The following ODF2 variants were observed in gnomAD, a reference collection of about 807,000 sequenced individuals.
ODF2 encodes the protein outer dense fiber of sperm tails 2, also known as outer dense fiber protein 2.
ODF2 carries 47 observed loss-of-function variants against 110.2 expected under a neutral mutation model. The ratio of observed to expected loss-of-function variants is 0.43; its 90% CI spans 0.34 to 0.54. The LOEUF is 0.54. Ranked by LOEUF, ODF2 falls within the 20% of genes least tolerant of loss-of-function variation. The pLI is 0.03. For synonymous variants in ODF2, 352 were observed against 397.7 expected (o/e 0.89, Z 1.37); for missense variants, 812 against 1,054.5 (o/e 0.77, Z 3.19).
At chr9:128,496,346 C>T in intron 18 of ODF2, 1 of 1,433,198 alleles carries the variant, frequency 7.0e-7, no homozygotes, top group Non-Finnish European at 9.3e-7. Flanking sequence ...TGGGGAGACA[C>T]TCCATGACAG....
chr9:128,482,125 A>G (rs1016256979), intron 9 of ODF2, among the ~76,000 whole-genome samples: 2 of 152,220 alleles, frequency 1.3e-5, no homozygotes, highest in Non-Finnish European at 2.9e-5. Flanking sequence ...AAATTTGGGA[A>G]ACCATAGGCT....
At chr9:128,469,459 CCTCCT>C in intron 5 of ODF2, 106 bp downstream of exon 5, 1 of 1,226,572 alleles carries the variant, frequency 8.2e-7, no homozygotes. Flanking sequence ...GGCCTTCAGG[CCTCCT>C]CTGCAGGGTT....
intron 8 of ODF2, among the ~76,000 whole-genome samples, chr9:128,477,829 C>T (rs1841628537): frequency 6.6e-6 from 1 of 151,764 alleles, no homozygotes; most frequent in South Asian, 2.1e-4. Flanking sequence ...AAACTCCTGA[C>T]CTCAGGTAAT....
chr9:128,476,707 G>A (rs555292440), intron 8 of ODF2, among the ~76,000 whole-genome samples: 2 of 147,720 alleles, frequency 1.4e-5, no homozygotes, highest in East Asian at 2.1e-4. Context: ...GCACGATATC[G>A]GCTCACTGCA....
In ODF2 at chr9:128,494,190, T is replaced by C. The variant is rs1044610722; in HGVS notation, c.1753-320T>C. Among the ~76,000 whole-genome samples the C allele has an allele frequency of 6.6e-6, 1 of 152,224 alleles. No individual in the cohort carries two copies. Among genetic ancestry groups the C allele is most frequent in the Non-Finnish European group, 1.5e-5 (1 of 68,038 alleles). ...TCTCTTGATGCTTACTATACTTGTA[T>C]GGGGACAGCATCACCTATTTTACAG... On this transcript the variant is annotated intron_variant, in intron 16 of 20. Transcript: ENST00000604420. This position sits in a 1 kb window ranked among gnomAD's most constrained non-coding sequence, Gnocchi z 4.6.
chr9:128,458,599 T>TA lies in ODF2; in HGVS notation c.33-967dup, dbSNP rs1835580972. Among the ~76,000 whole-genome samples the TA allele has an allele frequency of 2.0e-5, 3 of 151,420 alleles. No homozygotes were observed. In the South Asian group the frequency reaches 6.3e-4, roughly 32 times the overall value. ...TTGCTCTCTCTCTTTTTTTTTTTTT[T>TA]ATTTGGCTGTCTTTGCAGATCTGGT... On this transcript the variant is annotated intron_variant, in intron 2 of 20. Coordinates refer to ENST00000604420, the Ensembl canonical transcript of ODF2.
intron 14 of ODF2, 151 bp from the exon 15 acceptor site, chr9:128,492,275 T>C: frequency 1.6e-6 from 1 of 633,874 alleles, no homozygotes; most frequent in South Asian, 1.8e-5. Flanking sequence ...TTAGGAGTCT[T>C]ACCTGCTTCT....
At chr9:128,456,644 G>A in intron 1 of ODF2, 1 of 1,482,774 alleles carries the variant, frequency 6.7e-7, no homozygotes, top group Non-Finnish European at 8.9e-7. Context: ...CGGCGGCATC[G>A]CCCCGACCGC....
Position 128,494,445 on chromosome 9 carries a change from C to A in ODF2, c.1753-65C>A. On this transcript the variant is annotated intron_variant, in intron 16 of 20. Transcript: ENST00000604420. The surrounding 1 kb of genome is among the most constrained non-coding windows in gnomAD (Gnocchi z 4.6). The stretch of plus-strand genomic sequence containing the variant: ...CTCTAAAGGACTCTGCCTGGCTCCA[C>A]TAGGAGCCAGGTCTTTCCTAACTGT... The A allele has an allele frequency of 6.8e-7, 1 of 1,470,980 alleles. No homozygotes were observed. Among genetic ancestry groups the A allele is most frequent in the Non-Finnish European group, 9.5e-7 (1 of 1,054,594 alleles). The allele number at this position is 1,470,980 out of a possible 1,614,324, so 91.1% of individuals were successfully genotyped here. A position where few individuals can be genotyped will look rare whatever the true frequency, so the allele number is the denominator to read the frequency against.
In ODF2 at chr9:128,487,031, C is replaced by T. The variant is rs114328811; in HGVS notation, c.1401-859C>T. 9.2e-3 allele frequency among the ~76,000 whole-genome samples: 1,405 copies of T among 152,234 alleles called. 21 individuals carry two copies. The highest frequency in any genetic ancestry group is 0.032 in the African/African-American group (1,343 of 41,524). ...TCTGGTCCTTGCCTTCAAAGGGTAT[C>T]TTGGCCTTATGAGAGGATCAAGATG... is the stretch of plus-strand genomic sequence containing the variant. On this transcript the variant is annotated intron_variant, in intron 13 of 20. Transcript: ENST00000604420.
At chr9:128,492,290 G>A in intron 14 of ODF2, 136 bp from the exon 15 acceptor site, 1 of 662,936 alleles carries the variant, frequency 1.5e-6, no homozygotes. Context: ...GCTTCTCGGT[G>A]CTTCTCTCAG....
rs1843045324 is a variant in ODF2 at position 128,484,685 on chromosome 9, C to T, written c.1105-16C>T. ...TCTCTCTTCTCCCTCTCTTTCTCAC[C>T]CCTTCCCCCTTCCAGAATCTGGAGC... is the stretch of plus-strand genomic sequence containing the variant. On this transcript the variant is annotated splice_polypyrimidine_tract_variant and intron_variant, in intron 11 of 20. Transcript: ENST00000604420. 2.6e-6 allele frequency: 4 copies of T among 1,552,866 alleles called. No homozygotes were observed. The highest frequency in any genetic ancestry group is 4.9e-5 in the East Asian group (2 of 41,058).
intron 8 of ODF2, 74 bp from the exon 9 acceptor site, chr9:128,481,506 A>C: frequency 8.1e-7 from 1 of 1,228,936 alleles, no homozygotes; most frequent in East Asian, 2.4e-5. Flanking sequence ...TGGAAAAGGT[A>C]AAGAATCAAT....
At chr9:128,483,902 A>G in intron 10 of ODF2, 36 bp from the exon 11 acceptor site, 1 of 1,452,970 alleles carries the variant, frequency 6.9e-7, no homozygotes, top group Non-Finnish European at 9.7e-7. Context: ...ACAAACAAAA[A>G]ATTGTGCCTC....
intron 8 of ODF2, among the ~76,000 whole-genome samples, chr9:128,474,559 G>A (rs1011169080): frequency 3.3e-5 from 5 of 152,102 alleles, no homozygotes; most frequent in Non-Finnish European, 7.4e-5. Flanking sequence ...TCCTCAGGAG[G>A]CTGAGGCAGG....
At chr9:128,486,707 G>A (rs1843424210) in intron 13 of ODF2, among the ~76,000 whole-genome samples, 1 of 152,180 alleles carries the variant, frequency 6.6e-6, no homozygotes. Context: ...CAGGCAGCTG[G>A]CTTCTAAGTT....
At chr9:128,468,440 C>T (rs1398098855) in intron 4 of ODF2, among the ~76,000 whole-genome samples, 1 of 152,170 alleles carries the variant, frequency 6.6e-6, no homozygotes, top group African/African-American at 2.4e-5. Context: ...TCATAGCTCA[C>T]TGCAGCCTTG....
chr9:128,471,177 G>A, intron 5 of ODF2, 131 bp from the exon 6 acceptor site: 1 of 881,702 alleles, frequency 1.1e-6, no homozygotes, highest in Non-Finnish European at 1.7e-6. Context: ...GCCTCCCAAA[G>A]TGCTGGGATT....
chr9:128,500,246 T>C (rs753778482), exon 21 of ODF2: 2 of 1,614,160 alleles, frequency 1.2e-6, no homozygotes, highest in Admixed American at 3.3e-5. Context: ...CCCGATCTCC[T>C]CCTGCCTGAG....
Sources: gnomAD v4.1 joint callset for allele counts (sites outside exome capture counted in the v4.1 genomes callset) on GRCh38, gnomAD v4.1.1 for gene constraint, Gnocchi (gnomAD v3.1) non-coding constraint, MANE v1.5 for transcripts, NCBI Gene and HGNC (gene_info 2026-07-23, HGNC 2026-07-21) for gene names.